The following CADPS2 variants were observed in gnomAD, a reference collection of about 807,000 sequenced individuals.
CADPS2 encodes the protein calcium dependent secretion activator 2.
CADPS2 carries 93 observed loss-of-function variants against 172.5 expected under a neutral mutation model. The ratio of observed to expected loss-of-function variants is 0.54; its 90% CI spans 0.46 to 0.64. The LOEUF (loss-of-function observed/expected upper bound fraction) is 0.64, where lower values mean the gene tolerates loss of function less well. CADPS2 is among the 30% of genes least tolerant of loss of function. The pLI is 0.00. For missense variants in CADPS2, 1,420 were observed against 1,565.9 expected, an observed-to-expected ratio of 0.91 and a Z score of 1.57; for synonymous variants, 546 against 555.2, an observed-to-expected ratio of 0.98 and a Z score of 0.23.
intron 1 of CADPS2, among the ~76,000 whole-genome samples, chr7:122,806,350 T>C (rs57823101): frequency 0.016 from 2,508 of 152,312 alleles, 65 homozygotes; most frequent in African/African-American, 0.057. Flanking sequence ...CATTTTTTTC[T>C]ACTACTGTAC....
rs112105786 is a variant in CADPS2 at position 122,775,140 on chromosome 7, G to A, written c.340-38072C>T. Among the ~76,000 whole-genome samples the A allele has an allele frequency of 3.0e-3, 454 of 152,178 alleles. 2 individuals are homozygous for A. Among genetic ancestry groups the A allele is most frequent in the African/African-American group, 0.01 (416 of 41,526 alleles). ...AAATTATATTCATTCTGGGTACACCGTGTCTTTTATCCAATGGCGATATTA... is the reference window on the plus strand; with the variant it reads ...AAATTATATTCATTCTGGGTACACCATGTCTTTTATCCAATGGCGATATTA... On this transcript the variant is annotated intron_variant, in intron 1 of 29. Transcript: ENST00000449022.
In CADPS2 at chr7:122,649,898, A is replaced by ATTTTTTTTTTTTTTTTTTTTTT. The variant is rs71531909; in HGVS notation, c.786+13317_786+13338dup. On this transcript the variant is annotated intron_variant, in intron 3 of 29. Transcript: ENST00000449022. ...TGACATTTTTCTTAAGTATTCAATG[A>ATTTTTTTTTTTTTTTTTTTTTT]TTTTTTTTTTTTTTTTTTTTTTTTT... 6.7e-4 allele frequency among the ~76,000 whole-genome samples: 35 copies of ATTTTTTTTTTTTTTTTTTTTTT among 52,020 alleles called. 7 individuals are homozygous for ATTTTTTTTTTTTTTTTTTTTTT. The highest frequency in any genetic ancestry group is 7.9e-4 in the Non-Finnish European group (24 of 30,438). The allele number at this position is 52,020 out of a possible 152,430, so 34.1% of individuals were successfully genotyped here. A position where few individuals can be genotyped will look rare whatever the true frequency, so the allele number is the denominator to read the frequency against.
At chr7:122,433,535 C>T (rs998054159) in intron 17 of CADPS2, among the ~76,000 whole-genome samples, 1 of 151,856 alleles carries the variant, frequency 6.6e-6, no homozygotes, top group Non-Finnish European at 1.5e-5. Context: ...ACCCAAGTAG[C>T]TGGGATTGCA....
chr7:122,372,029 C>T (rs540183987), intron 25 of CADPS2, among the ~76,000 whole-genome samples: 10 of 152,118 alleles, frequency 6.6e-5, no homozygotes, highest in Non-Finnish European at 1.5e-4. Context: ...AATGCATTGG[C>T]CACTGTTCTA....
At chr7:122,571,559 G>A (rs1004634531) in intron 7 of CADPS2, among the ~76,000 whole-genome samples, 1 of 152,068 alleles carries the variant, frequency 6.6e-6, no homozygotes, top group African/African-American at 2.4e-5. Flanking sequence ...GACACACCGA[G>A]CAACAACTTT....
At chr7:122,388,903 C>G (rs2151448832) in intron 22 of CADPS2, among the ~76,000 whole-genome samples, 165 bp from the exon 23 acceptor site, 1 of 152,032 alleles carries the variant, frequency 6.6e-6, no homozygotes, top group African/African-American at 2.4e-5. Flanking sequence ...AATTGTTCCT[C>G]TACAATTCTT....
intron 6 of CADPS2, among the ~76,000 whole-genome samples, chr7:122,595,065 T>A (rs73719711): frequency 6.6e-6 from 1 of 152,002 alleles, no homozygotes; most frequent in African/African-American, 2.4e-5. Flanking sequence ...TATGTTCATA[T>A]TGCTCCCAAA....
intron 8 of CADPS2, among the ~76,000 whole-genome samples, chr7:122,543,682 C>T (rs1179300912): frequency 2.0e-5 from 3 of 152,042 alleles, no homozygotes; most frequent in Admixed American, 2.0e-4. Context: ...ATTCCCAAGT[C>T]AGTCTGTGAT....
At chr7:122,337,758 G>A (rs1158692286) in intron 28 of CADPS2, among the ~76,000 whole-genome samples, 21 of 134,448 alleles carry the variant, frequency 1.6e-4, no homozygotes, top group Admixed American at 2.3e-4. Context: ...AAACTTTAAG[G>A]AAAAAAAAAA....
chr7:122,705,506 A>T (rs1362124278), intron 2 of CADPS2, among the ~76,000 whole-genome samples: 1 of 110,202 alleles, frequency 9.1e-6, no homozygotes, highest in East Asian at 2.6e-4. Flanking sequence ...TATATTATAT[A>T]TTATCTATAT....
intron 4 of CADPS2, among the ~76,000 whole-genome samples, chr7:122,627,596 G>A (rs922592865): frequency 5.9e-5 from 9 of 152,114 alleles, no homozygotes; most frequent in African/African-American, 1.9e-4. Context: ...TCTCAGTCAT[G>A]AACCTGAGAA....
At chr7:122,733,711 C>T (rs6976379) in intron 2 of CADPS2, among the ~76,000 whole-genome samples, 2,204 of 152,056 alleles carry the variant, frequency 0.014, 51 homozygotes, top group African/African-American at 0.05. Flanking sequence ...CTACCTTGTC[C>T]AATCAGGGCC....
intron 2 of CADPS2, among the ~76,000 whole-genome samples, chr7:122,664,319 C>A (rs1453199889): frequency 1.3e-5 from 2 of 152,078 alleles, no homozygotes; most frequent in Admixed American, 1.3e-4. Flanking sequence ...ATTTTACCAC[C>A]TCTGCAACTT....
chr7:122,867,939 G>T (rs75937039), intron 1 of CADPS2, among the ~76,000 whole-genome samples: 1 of 152,120 alleles, frequency 6.6e-6, no homozygotes, highest in South Asian at 2.1e-4. Flanking sequence ...GAAGGGGAAA[G>T]TGAGCACCCT....
chr7:122,819,409 G>A (rs1479697720), intron 1 of CADPS2, among the ~76,000 whole-genome samples: 4 of 152,084 alleles, frequency 2.6e-5, no homozygotes, highest in Admixed American at 1.3e-4. Context: ...CTGCCCGATC[G>A]CCTTGGAAGC....
intron 17 of CADPS2, among the ~76,000 whole-genome samples, chr7:122,437,857 C>CTG (rs1255335311): frequency 6.6e-6 from 1 of 150,828 alleles, no homozygotes; most frequent in East Asian, 1.9e-4. Flanking sequence ...CTTTCAAATG[C>CTG]ATCAGTACAT....
chr7:122,347,078 C>G (rs77172271), intron 27 of CADPS2, among the ~76,000 whole-genome samples: 2,191 of 152,282 alleles, frequency 0.014, 52 homozygotes, highest in African/African-American at 0.049. Context: ...AGCCAGTTAG[C>G]CTTGCATCAT....
In CADPS2 at chr7:122,736,959, TA is replaced by T; in HGVS notation, c.448del (p.Tyr150MetfsTer5). The T allele has an allele frequency of 6.3e-7, 1 of 1,578,608 alleles. No individual in the cohort carries two copies. Among genetic ancestry groups the T allele is most frequent in the Non-Finnish European group, 8.7e-7 (1 of 1,148,728 alleles). On this transcript the variant is annotated frameshift_variant, in exon 2 of 30. Coordinates refer to ENST00000449022, the MANE Select transcript of CADPS2 (RefSeq NM_017954.11). LOFTEE classifies it high-confidence loss of function. ...EAFCNAVRSY[Y>X]EVFLKSDRVA... is the part of the protein sequence containing the mutation. The stretch of plus-strand genomic sequence containing the variant: ...AACAAAGCTCTTCAAACTTACCTCA[TA>T]ATAACTCCGAACTGCGTTGCAAAAT...
At chr7:122,730,423 G>T (rs1406934390) in intron 2 of CADPS2, among the ~76,000 whole-genome samples, 1 of 151,668 alleles carries the variant, frequency 6.6e-6, no homozygotes, top group African/African-American at 2.4e-5. Flanking sequence ...CTATCACCCA[G>T]TAATTCTACT....
Sources: allele counts gnomAD v4.1 joint callset (sites outside exome capture counted in the v4.1 genomes callset), GRCh38; gene constraint gnomAD v4.1.1; transcripts MANE v1.5; gene names NCBI Gene and HGNC (gene_info 2026-07-23, HGNC 2026-07-21).